TBCK: variants seen among roughly 807,000 people sequenced by gnomAD.
TBCK encodes TBC domain-containing protein kinase-like protein.
TBCK carries 99 observed loss-of-function variants against 113.4 expected under a neutral mutation model. That is an observed-to-expected ratio of 0.87 (90% CI 0.74 to 1.03). The LOEUF is 1.03. Ranked by LOEUF, TBCK falls within the 50% of genes least tolerant of loss-of-function variation. The pLI is 0.00. For synonymous variants in TBCK, 369 were observed against 370.8 expected (o/e 1.00, Z 0.05); for missense variants, 1,045 against 1,061.3 (o/e 0.98, Z 0.21).
intron 1 of TBCK, among the ~76,000 whole-genome samples, chr4:106,312,829 T>G (rs539634956): frequency 2.4e-4 from 36 of 152,180 alleles, no homozygotes; most frequent in Non-Finnish European, 4.4e-4. Context: ...ACAAAAGAGT[T>G]CATACTGTAT....
At chr4:106,074,949 C>T (rs2149483170) in intron 25 of TBCK, among the ~76,000 whole-genome samples, 1 of 152,264 alleles carries the variant, frequency 6.6e-6, no homozygotes, top group South Asian at 2.1e-4. Context: ...CTATAGCTTG[C>T]CAGAGCTCCC....
intron 25 of TBCK, among the ~76,000 whole-genome samples, chr4:106,053,811 A>G (rs1312729383): frequency 6.6e-6 from 1 of 151,682 alleles, no homozygotes. Flanking sequence ...TCCTTATCTC[A>G]GGAAATGGCA....
At chr4:106,068,818 A>G (rs1350222005) in intron 25 of TBCK, among the ~76,000 whole-genome samples, 1 of 152,044 alleles carries the variant, frequency 6.6e-6, no homozygotes, top group Non-Finnish European at 1.5e-5. Flanking sequence ...TTGCTTTCTG[A>G]CTTTTTAATG....
chr4:106,135,242 T>C (rs1746420231), intron 23 of TBCK, among the ~76,000 whole-genome samples: 1 of 151,404 alleles, frequency 6.6e-6, no homozygotes, highest in African/African-American at 2.4e-5. Flanking sequence ...ATATTTTATA[T>C]ATAATAAATG....
intron 25 of TBCK, among the ~76,000 whole-genome samples, chr4:106,092,044 C>T (rs190316325): frequency 6.6e-6 from 1 of 152,246 alleles, no homozygotes; most frequent in Non-Finnish European, 1.5e-5. Flanking sequence ...CTGAGCTAGA[C>T]ACAGAGTGCT....
At chr4:106,188,596 GCTCTGCTATAGAGAAAGGC>G (rs1753304709) in intron 22 of TBCK, among the ~76,000 whole-genome samples, 1 of 152,068 alleles carries the variant, frequency 6.6e-6, no homozygotes, top group African/African-American at 2.4e-5. Flanking sequence ...AAAACAAGCA[GCTCTGCTATAGAGAAAGGC>G]CTTCCTATCA....
At chr4:106,091,074 T>A (rs1046273699) in intron 25 of TBCK, among the ~76,000 whole-genome samples, 2 of 152,170 alleles carry the variant, frequency 1.3e-5, no homozygotes, top group African/African-American at 4.8e-5. Context: ...TGTGTTGCTA[T>A]AAAGAAGTAC....
Position 106,255,648 on chromosome 4 carries a change from C to A in TBCK, c.456-3641G>T, listed in dbSNP as rs559556623. On this transcript the variant is annotated intron_variant, in intron 5 of 25. Coordinates refer to ENST00000394708, the MANE Select transcript of TBCK (RefSeq NM_001163435.3). Reference sequence around the variant, plus strand: ...GGCTCAGAAAGTTCCTAGGTCTGGGCTCCCCAAAGGGCTGCAGCTCCTCTC... The same window carrying A: ...GGCTCAGAAAGTTCCTAGGTCTGGGATCCCCAAAGGGCTGCAGCTCCTCTC... 2.8e-4 allele frequency among the ~76,000 whole-genome samples: 43 copies of A among 151,746 alleles called. No individual in the cohort carries two copies. The South Asian group carries it at 7.8e-3, about 28-fold the overall frequency.
At chr4:106,186,440 A>T (rs1753036817) in intron 22 of TBCK, among the ~76,000 whole-genome samples, 1 of 152,092 alleles carries the variant, frequency 6.6e-6, no homozygotes, top group South Asian at 2.1e-4. Context: ...CTGGTATTAG[A>T]TAGTATCTCA....
rs1183077355 is a variant in TBCK at position 106,244,637 on chromosome 4, GC to G, written c.1058del (p.Cys353SerfsTer24). 1.2e-6 allele frequency: 2 copies of G among 1,604,076 alleles called. No individual in the cohort carries two copies. Among genetic ancestry groups the G allele is most frequent in the East Asian group, 4.5e-5 (2 of 44,486 alleles). ...GTTTCTTTCCTTACTTGGGGAGTGT[GC>G]AGATAGGTGGTTTGGATCGAATGAT... ...KEIIRSKPPI[C>X]TLPNFLFEDG... On this transcript the variant is annotated frameshift_variant, in exon 11 of 26. Transcript: ENST00000394708. LOFTEE classifies it high-confidence loss of function.
chr4:106,244,408 C>T (rs181792636), intron 11 of TBCK, among the ~76,000 whole-genome samples: 12 of 152,098 alleles, frequency 7.9e-5, no homozygotes, highest in African/African-American at 2.9e-4. Context: ...TGATCAAAGA[C>T]AACTGATGGG....
chr4:106,298,224 A>G (rs533952269), intron 2 of TBCK, among the ~76,000 whole-genome samples: 54 of 152,290 alleles, frequency 3.5e-4, no homozygotes, highest in South Asian at 8.3e-4. Flanking sequence ...AACATTTTAA[A>G]TGGAATATTC....
At chr4:106,224,620 C>T (rs1449896755) in intron 19 of TBCK, among the ~76,000 whole-genome samples, 2 of 152,106 alleles carry the variant, frequency 1.3e-5, no homozygotes, top group East Asian at 1.9e-4. Context: ...CTAAAATAAA[C>T]ACTTTGAAGA....
intron 19 of TBCK, among the ~76,000 whole-genome samples, chr4:106,227,345 A>G (rs570861781): frequency 6.7e-6 from 1 of 148,272 alleles, no homozygotes; most frequent in East Asian, 1.9e-4. Flanking sequence ...CTCAAGGTAC[A>G]TGATGCTGAA....
At chr4:106,293,756 A>G (rs2125840482) in intron 3 of TBCK, among the ~76,000 whole-genome samples, 1 of 152,358 alleles carries the variant, frequency 6.6e-6, no homozygotes, top group Non-Finnish European at 1.5e-5. Context: ...TTCCCTTGAA[A>G]AAGATTTTTC....
At chr4:106,125,222 G>A (rs1578979978) in intron 23 of TBCK, among the ~76,000 whole-genome samples, 3 of 152,172 alleles carry the variant, frequency 2.0e-5, no homozygotes, top group Admixed American at 1.3e-4. Flanking sequence ...TCCCACTGCT[G>A]GGTATATACC....
chr4:106,090,862 A>G (rs1358613808), intron 25 of TBCK, among the ~76,000 whole-genome samples: 1 of 152,216 alleles, frequency 6.6e-6, no homozygotes, highest in African/African-American at 2.4e-5. Flanking sequence ...TATTGTCCAT[A>G]CAGCTATCAG....
chr4:106,047,093 A>C (rs537126391), intron 25 of TBCK, among the ~76,000 whole-genome samples: 1 of 152,288 alleles, frequency 6.6e-6, no homozygotes, highest in East Asian at 1.9e-4. Flanking sequence ...ATGTACATTG[A>C]AAAAATTTTG....
intron 3 of TBCK, among the ~76,000 whole-genome samples, chr4:106,265,023 T>C (rs1762858989): frequency 6.6e-6 from 1 of 151,908 alleles, no homozygotes; most frequent in Non-Finnish European, 1.5e-5. Flanking sequence ...ATTTTTACTT[T>C]ATCCCTAGAG....
Sources: allele counts gnomAD v4.1 joint callset (sites outside exome capture counted in the v4.1 genomes callset), GRCh38; gene constraint gnomAD v4.1.1; transcripts MANE v1.5; gene names NCBI Gene and HGNC (gene_info 2026-07-23, HGNC 2026-07-21).